The following BMPR2 variants were observed in gnomAD, a reference collection of about 807,000 sequenced individuals.
BMPR2 encodes bone morphogenetic protein receptor type-2.
BMPR2 carries 29 observed loss-of-function variants against 100.8 expected under a neutral mutation model. The observed-to-expected ratio is 0.29, with a 90% CI of 0.21 to 0.39. BMPR2 has a LOEUF of 0.39. Among genes scored for constraint, BMPR2 ranks in the 10% least tolerant of loss-of-function variants. The pLI, the probability that BMPR2 is intolerant of heterozygous loss-of-function variation, is 1.00. For missense variants in BMPR2, 1,011 were observed against 1,274.5 expected (o/e 0.79, Z 3.15); for synonymous variants, 382 against 442.3 (o/e 0.86, Z 1.71).
chr2:202,393,882 C>CGAGAGAGCGA (rs1690602656), intron 1 of BMPR2, among the ~76,000 whole-genome samples: 1 of 97,870 alleles, frequency 1.0e-5, no homozygotes, highest in African/African-American at 3.6e-5. Context: ...AATGAGAGAG[C>CGAGAGAGCGA]GAGAGAGAGA....
At chr2:202,544,085 C>T (rs980197870) in intron 10 of BMPR2, among the ~76,000 whole-genome samples, 8 of 151,660 alleles carry the variant, frequency 5.3e-5, no homozygotes, top group Non-Finnish European at 1.0e-4. Flanking sequence ...GAGGTTGCAG[C>T]GAGGCGAGAT....
chr2:202,547,827 T>C (rs1449523729), intron 10 of BMPR2, among the ~76,000 whole-genome samples: 2 of 148,198 alleles, frequency 1.3e-5, no homozygotes, highest in African/African-American at 5.0e-5. Flanking sequence ...CTCATGCCTA[T>C]AATCCCAGCA....
At chr2:202,461,175 T>G (rs561817212) in intron 1 of BMPR2, among the ~76,000 whole-genome samples, 2 of 151,968 alleles carry the variant, frequency 1.3e-5, no homozygotes, top group South Asian at 4.2e-4. Flanking sequence ...AAGTATTGAT[T>G]ATCAAAAACA....
intron 1 of BMPR2, among the ~76,000 whole-genome samples, chr2:202,426,858 G>T (rs567198317): frequency 6.6e-6 from 1 of 152,118 alleles, no homozygotes; most frequent in Non-Finnish European, 1.5e-5. Context: ...CACTAGCCTG[G>T]GTACCAAGTT....
At chr2:202,494,507 T>C (rs192677121) in intron 3 of BMPR2, among the ~76,000 whole-genome samples, 1 of 152,344 alleles carries the variant, frequency 6.6e-6, no homozygotes, top group African/African-American at 2.4e-5. Flanking sequence ...CAGGCTCCAA[T>C]GAGACAGACA....
Position 202,519,638 on chromosome 2 carries a change from C to G in BMPR2, c.853-449C>G, listed in dbSNP as rs552262400. 1.4e-4 allele frequency among the ~76,000 whole-genome samples: 21 copies of G among 152,228 alleles called. No individual in the cohort carries two copies. The South Asian group carries it at 4.2e-3, about 30-fold the overall frequency. Reference sequence around the variant, plus strand: ...ACTTTGATTGACATTCATTCTGATGCAACATTCTTTTCTCATCAGCAACTG... The same window carrying G: ...ACTTTGATTGACATTCATTCTGATGGAACATTCTTTTCTCATCAGCAACTG... On this transcript the variant is annotated intron_variant, in intron 6 of 12. Transcript: ENST00000374580.
chr2:202,450,723 T>C (rs1173202812), intron 1 of BMPR2, among the ~76,000 whole-genome samples: 2 of 146,830 alleles, frequency 1.4e-5, no homozygotes, highest in African/African-American at 5.0e-5. Context: ...GATTTCACCA[T>C]AAGATTGGGA....
intron 1 of BMPR2, among the ~76,000 whole-genome samples, chr2:202,420,698 C>G (rs1275685202): frequency 6.6e-6 from 1 of 151,608 alleles, no homozygotes; most frequent in Non-Finnish European, 1.5e-5. Flanking sequence ...AGGTGCATGC[C>G]ACCATGCCTG....
intron 1 of BMPR2, among the ~76,000 whole-genome samples, chr2:202,380,069 A>G (rs936701833): frequency 2.6e-5 from 4 of 151,768 alleles, no homozygotes; most frequent in African/African-American, 7.3e-5. Context: ...GGGTTTCACC[A>G]TTTTGGCAGG....
chr2:202,540,076 T>C (rs1055257566), intron 9 of BMPR2, among the ~76,000 whole-genome samples: 2 of 152,160 alleles, frequency 1.3e-5, no homozygotes, highest in Admixed American at 6.5e-5. Flanking sequence ...TTTTGAACTG[T>C]GAAGATTTAG....
At chr2:202,441,277 T>G (rs528537794) in intron 1 of BMPR2, among the ~76,000 whole-genome samples, 1 of 150,444 alleles carries the variant, frequency 6.6e-6, no homozygotes, top group Non-Finnish European at 1.5e-5. Flanking sequence ...TTAATACTAG[T>G]CTTTCAAAGT....
At chr2:202,482,770 A>G (rs1377423903) in intron 3 of BMPR2, among the ~76,000 whole-genome samples, 1 of 152,058 alleles carries the variant, frequency 6.6e-6, no homozygotes, top group African/African-American at 2.4e-5. Context: ...CAAACTCCTG[A>G]CCTTGTGATT....
chr2:202,447,339 G>T (rs910527335), intron 1 of BMPR2, among the ~76,000 whole-genome samples: 1 of 150,252 alleles, frequency 6.7e-6, no homozygotes, highest in Non-Finnish European at 1.5e-5. Context: ...TTTCATGACT[G>T]CATAGTATTT....
chr2:202,377,529 C>T lies in BMPR2; in HGVS notation c.55C>T (p.Leu19=). Residue 19 remains leucine, a synonymous_variant, in exon 1 of 13, where the codon CTG becomes TTG. Transcript: ENST00000374580. Reference sequence around the variant, plus strand: ...GGTGCCCTGGCTACCATGGACCATCCTGCTGGTCAGCACTGCGGCTGGTGA... The same window carrying T: ...GGTGCCCTGGCTACCATGGACCATCTTGCTGGTCAGCACTGCGGCTGGTGA... The part of the protein sequence containing the change: ...WRVPWLPWTI[L]LVSTAAASQN... 1 of 1,614,248 alleles carries T rather than the reference C, an allele frequency of 6.2e-7. No homozygotes were observed. The highest frequency in any genetic ancestry group is 8.5e-7 in the Non-Finnish European group (1 of 1,180,046).
chr2:202,431,705 C>T (rs1172718289), intron 1 of BMPR2, among the ~76,000 whole-genome samples: 2 of 150,160 alleles, frequency 1.3e-5, no homozygotes, highest in African/African-American at 2.5e-5. Context: ...AGGTTTGTAA[C>T]CTAGGAGCAA....
In BMPR2 at chr2:202,418,474, A is replaced by G. The variant is rs377294572; in HGVS notation, c.76+40924A>G. Among the ~76,000 whole-genome samples the G allele has an allele frequency of 2.6e-4, 39 of 152,346 alleles. No individual in the cohort carries two copies. The South Asian group carries it at 7.7e-3, about 30-fold the overall frequency. On this transcript the variant is annotated intron_variant, in intron 1 of 12. Transcript: ENST00000374580. ...ATTCTGAGCCAAATATGAGTGACCA[A>G]GGGCCCATGACACAGCCCTCAGGCA...
chr2:202,385,482 C>T (rs898033196), intron 1 of BMPR2, among the ~76,000 whole-genome samples: 2 of 148,454 alleles, frequency 1.3e-5, no homozygotes, highest in African/African-American at 2.5e-5. Context: ...TCTCCTGCCT[C>T]AGCCGCCCGA....
intron 1 of BMPR2, among the ~76,000 whole-genome samples, chr2:202,435,372 A>AATATATATATAT (rs1553500523): frequency 1.3e-4 from 8 of 59,968 alleles, no homozygotes; most frequent in Non-Finnish European, 2.0e-4. Flanking sequence ...TCAAAAAAAA[A>AATATATATATAT]ATACATATAT....
intron 1 of BMPR2, among the ~76,000 whole-genome samples, chr2:202,416,069 A>G (rs1691119881): frequency 6.6e-6 from 1 of 152,188 alleles, no homozygotes; most frequent in African/African-American, 2.4e-5. Context: ...GGAGGAGGTT[A>G]AAATATCAGT....
Sources: gnomAD v4.1 joint callset for allele counts (sites outside exome capture counted in the v4.1 genomes callset) on GRCh38, gnomAD v4.1.1 for gene constraint, MANE v1.5 for transcripts, NCBI Gene and HGNC (gene_info 2026-07-23, HGNC 2026-07-21) for gene names.